The following FAM171A1 variants were observed in gnomAD, a reference collection of about 807,000 sequenced individuals.
FAM171A1 encodes the protein protein FAM171A1.
In FAM171A1, 23 loss-of-function variants were observed where a neutral mutation model predicts 74.9. The observed-to-expected ratio is 0.31, with a 90% confidence interval of 0.22 to 0.44. The LOEUF (loss-of-function observed/expected upper bound fraction) is 0.44. Among genes scored for constraint, FAM171A1 ranks in the 20% least tolerant of loss-of-function variants. The probability of loss-of-function intolerance (pLI) is 1.00; values close to 1 mark genes in which losing one functional copy is unlikely to be tolerated. For synonymous variants in FAM171A1, 527 were observed against 505.7 expected (o/e 1.04, Z -0.57); for missense variants, 1,162 against 1,159.2 (o/e 1.00, Z -0.03).
rs771329826 is a variant in FAM171A1 at position 15,323,944 on chromosome 10, T to A, written c.98-39839A>T. On this transcript the variant is annotated intron_variant, in intron 1 of 7. Coordinates refer to ENST00000378116, the MANE Select transcript of FAM171A1 (RefSeq NM_001010924.2). Reference sequence around the variant, plus strand: ...TTCAGTGCCACTAAAAATATAACAGTGAAAAAGTCCACATAGAGCATAAAC... The same window carrying A: ...TTCAGTGCCACTAAAAATATAACAGAGAAAAAGTCCACATAGAGCATAAAC... Among the ~76,000 whole-genome samples, 45 of 151,808 alleles carry A rather than the reference T, an allele frequency of 3.0e-4. 1 individual carries two copies. Among genetic ancestry groups the A allele is most frequent in the Admixed American group, 1.3e-4 (2 of 15,222 alleles).
At chr10:15,238,780 A>G (rs1288672349) in intron 5 of FAM171A1, among the ~76,000 whole-genome samples, 12 of 152,178 alleles carry the variant, frequency 7.9e-5, no homozygotes, top group Admixed American at 7.9e-4. Context: ...CACCATTTCT[A>G]TAGCAACCCC....
intron 1 of FAM171A1, among the ~76,000 whole-genome samples, chr10:15,315,293 C>A (rs1488902840): frequency 3.9e-5 from 6 of 152,200 alleles, no homozygotes; most frequent in African/African-American, 1.4e-4. Flanking sequence ...GCTGTCTCAT[C>A]TTCCTTTGTC....
intron 3 of FAM171A1, among the ~76,000 whole-genome samples, chr10:15,274,273 C>CAT (rs2131797847): frequency 6.6e-6 from 1 of 152,250 alleles, no homozygotes; most frequent in Non-Finnish European, 1.5e-5. Flanking sequence ...CATGAGTGAA[C>CAT]TCCCATTCAC....
chr10:15,284,917 AGGT>A (rs1269270536), intron 1 of FAM171A1, among the ~76,000 whole-genome samples: 1 of 151,758 alleles, frequency 6.6e-6, no homozygotes, highest in African/African-American at 2.4e-5. Flanking sequence ...GAACAAGAGA[AGGT>A]TAGAAAAAGA....
chr10:15,275,821 T>C, intron 3 of FAM171A1, 34 bp downstream of exon 3: 3 of 1,391,312 alleles, frequency 2.2e-6, no homozygotes, highest in Non-Finnish European at 3.0e-6. Context: ...CCATCAAAAA[T>C]AACAATAAAA....
intron 1 of FAM171A1, among the ~76,000 whole-genome samples, chr10:15,333,652 A>AC (rs1835667674): frequency 6.6e-6 from 1 of 151,582 alleles, no homozygotes; most frequent in African/African-American, 2.4e-5. Context: ...ACATAATGAG[A>AC]CCCCCAACTT....
intron 1 of FAM171A1, among the ~76,000 whole-genome samples, chr10:15,290,897 C>T (rs985186901): frequency 1.6e-4 from 25 of 152,078 alleles, no homozygotes; most frequent in Admixed American, 1.2e-3. Context: ...CATGTACCGC[C>T]GTTTTGTTTT....
At chr10:15,271,538 A>G (rs1477225742) in intron 3 of FAM171A1, among the ~76,000 whole-genome samples, 1 of 152,196 alleles carries the variant, frequency 6.6e-6, no homozygotes, top group Non-Finnish European at 1.5e-5. Context: ...AGAATGCCAC[A>G]AAGATACTCC....
chr10:15,238,699 C>T (rs1449754939), intron 5 of FAM171A1, among the ~76,000 whole-genome samples: 1 of 152,144 alleles, frequency 6.6e-6, no homozygotes, highest in Non-Finnish European at 1.5e-5. Flanking sequence ...TACTACAGGC[C>T]AATTGTGAGT....
chr10:15,322,296 A>G (rs943439031), intron 1 of FAM171A1, among the ~76,000 whole-genome samples: 7 of 152,174 alleles, frequency 4.6e-5, no homozygotes, highest in African/African-American at 1.7e-4. Flanking sequence ...TTGGTTCATG[A>G]CCAGGTTTTC....
intron 1 of FAM171A1, among the ~76,000 whole-genome samples, chr10:15,365,983 C>A (rs1836056478): frequency 6.6e-6 from 1 of 152,076 alleles, no homozygotes; most frequent in African/African-American, 2.4e-5. Flanking sequence ...TCAAATTTTG[C>A]CTATTTACAA....
intron 1 of FAM171A1, among the ~76,000 whole-genome samples, chr10:15,334,953 A>G (rs1835683527): frequency 6.6e-6 from 1 of 152,200 alleles, no homozygotes; most frequent in South Asian, 2.1e-4. Context: ...TTCAAGATAC[A>G]CATAAAGGCC....
At chr10:15,356,960 G>C (rs1477962852) in intron 1 of FAM171A1, among the ~76,000 whole-genome samples, 1 of 151,662 alleles carries the variant, frequency 6.6e-6, no homozygotes, top group Admixed American at 6.6e-5. Flanking sequence ...AACAGAGTGA[G>C]GCTGTCTCAA....
At chr10:15,219,207 A>G (rs1834004971) in intron 6 of FAM171A1, among the ~76,000 whole-genome samples, 4 of 152,102 alleles carry the variant, frequency 2.6e-5, no homozygotes, top group Admixed American at 2.6e-4. Context: ...GCTTGAACCC[A>G]GGAGGCGGAG....
At chr10:15,307,646 C>CAAAA (rs560861841) in intron 1 of FAM171A1, among the ~76,000 whole-genome samples, 15 of 93,158 alleles carry the variant, frequency 1.6e-4, no homozygotes, top group East Asian at 2.8e-4. Flanking sequence ...AACTCCATTT[C>CAAAA]AAAAAAAAAA....
intron 6 of FAM171A1, among the ~76,000 whole-genome samples, chr10:15,218,573 A>G (rs1306428859): frequency 1.3e-5 from 2 of 151,986 alleles, no homozygotes; most frequent in African/African-American, 4.8e-5. Flanking sequence ...TACATTAAAT[A>G]CCATCAGAGG....
At position 15,254,832 on chromosome 10, in the gene FAM171A1, A is replaced by C. The variant is rs1184452831; in HGVS notation, c.466T>G (p.Leu156Val). ...RVHFQRRALR[L>V]PENTSYSDLT... Reference sequence around the variant, plus strand: ...TCACTGTAGCTGGTGTTCTCAGGCAACCTCAGAGCCCTTCTCTGGAAATGA... The same window carrying C: ...TCACTGTAGCTGGTGTTCTCAGGCACCCTCAGAGCCCTTCTCTGGAAATGA... The change falls in exon 4 of 8, where the codon TTG (leucine) becomes GTG (valine). Residue 156 changes from leucine to valine, a missense_variant. By Grantham distance (32) the Leu-to-Val change is conservative. Coordinates refer to ENST00000378116, the MANE Select transcript of FAM171A1 (RefSeq NM_001010924.2). 2.5e-6 allele frequency: 4 copies of C among 1,614,062 alleles called. No individual in the cohort carries two copies. Among genetic ancestry groups the C allele is most frequent in the African/African-American group, 1.3e-5 (1 of 74,930 alleles).
At chr10:15,347,563 T>C (rs1835830511) in intron 1 of FAM171A1, among the ~76,000 whole-genome samples, 1 of 151,222 alleles carries the variant, frequency 6.6e-6, no homozygotes, top group East Asian at 2.0e-4. Context: ...TTCGGCCGGG[T>C]GCAGTGGCTC....
intron 1 of FAM171A1, among the ~76,000 whole-genome samples, chr10:15,362,584 A>G (rs546826690): frequency 6.0e-4 from 92 of 152,226 alleles, no homozygotes; most frequent in African/African-American, 2.1e-3. Flanking sequence ...ATTAGCCAGG[A>G]GTGGTGGCAT....
Sources: gnomAD v4.1 joint callset for allele counts (sites outside exome capture counted in the v4.1 genomes callset) on GRCh38, gnomAD v4.1.1 for gene constraint, MANE v1.5 for transcripts, NCBI Gene and HGNC (gene_info 2026-07-23, HGNC 2026-07-21) for gene names.